TEAD4: variants seen among roughly 807,000 people sequenced by gnomAD.
TEAD4 encodes the protein TEA domain transcription factor 4, also known as transcriptional enhancer factor TEF-3.
A neutral mutation model predicts 52.4 loss-of-function variants in TEAD4; 36 were observed. The ratio of observed to expected loss-of-function variants is 0.69; its 90% CI spans 0.53 to 0.91. The LOEUF is 0.91. Among genes scored for constraint, TEAD4 ranks in the 40% least tolerant of loss-of-function variants. The pLI, the probability that TEAD4 is intolerant of heterozygous loss-of-function variation, is 0.00. For missense variants in TEAD4, 508 were observed against 583.9 expected (o/e 0.87, Z 1.34); for synonymous variants, 220 against 231.0 (o/e 0.95, Z 0.43).
intron 2 of TEAD4, among the ~76,000 whole-genome samples, chr12:2,985,501 C>CTTTTTT (rs560522260): frequency 8.4e-5 from 7 of 83,014 alleles, no homozygotes; most frequent in African/African-American, 1.4e-4. Context: ...TTTACAAAAT[C>CTTTTTT]TTTTTTTTTT....
chr12:2,979,530 T>C (rs974108821), intron 2 of TEAD4, among the ~76,000 whole-genome samples: 1 of 152,204 alleles, frequency 6.6e-6, no homozygotes, highest in Non-Finnish European at 1.5e-5. Context: ...CGTCAGGCAG[T>C]GAGAATTTGT....
At position 2,982,484 on chromosome 12, in the gene TEAD4, G is replaced by T. The variant is rs571357227; in HGVS notation, c.-29-12254G>T. Among the ~76,000 whole-genome samples, 7 of 152,324 alleles carry T rather than the reference G, an allele frequency of 4.6e-5. No individual in the cohort carries two copies. The East Asian group carries it at 1.4e-3, about 29-fold the overall frequency. ...GTCCCCCGCCTCCAGCTCTCCCCTGGCAGGCCCTCCTGGGTCACTGTGGTG... is the reference window on the plus strand; with the variant it reads ...GTCCCCCGCCTCCAGCTCTCCCCTGTCAGGCCCTCCTGGGTCACTGTGGTG... On this transcript the variant is annotated intron_variant, in intron 2 of 12. Transcript: ENST00000359864.
At chr12:2,986,919 G>A (rs955892000) in intron 2 of TEAD4, among the ~76,000 whole-genome samples, 5 of 152,154 alleles carry the variant, frequency 3.3e-5, no homozygotes, top group Non-Finnish European at 7.3e-5. Flanking sequence ...ATCATCTTAT[G>A]GGACCCCCTT....
Position 3,040,508 on chromosome 12 carries a change from G to A in TEAD4, c.*30G>A. ...CTCGGGGAGCAGGGAGGGGGGAAGA[G>A]ACGTGTGTGCAGGAAACGGGGACGT... On this transcript the variant is annotated 3_prime_UTR_variant, in exon 13 of 13. Transcript: ENST00000359864. 6.2e-7 allele frequency: 1 copy of A among 1,602,760 alleles called. No individual in the cohort carries two copies. Among genetic ancestry groups the A allele is most frequent in the Non-Finnish European group, 8.5e-7 (1 of 1,170,840 alleles).
chr12:2,962,198 C>T (rs1284930217), intron 2 of TEAD4, among the ~76,000 whole-genome samples: 1 of 148,714 alleles, frequency 6.7e-6, no homozygotes, highest in Non-Finnish European at 1.5e-5. Flanking sequence ...GATCTTGGCT[C>T]ACTGCAACCT....
At chr12:2,986,931 G>A (rs2098239033) in intron 2 of TEAD4, among the ~76,000 whole-genome samples, 1 of 152,204 alleles carries the variant, frequency 6.6e-6, no homozygotes, top group South Asian at 2.1e-4. Flanking sequence ...GACCCCCTTT[G>A]AATGAACGTT....
chr12:3,025,482 A>G (rs2098271526), intron 10 of TEAD4, among the ~76,000 whole-genome samples: 1 of 152,186 alleles, frequency 6.6e-6, no homozygotes, highest in African/African-American at 2.4e-5. Context: ...TAGTCTGGAT[A>G]AAGAATCTAG....
intron 5 of TEAD4, among the ~76,000 whole-genome samples, chr12:3,015,883 A>T (rs904501995): frequency 7.9e-5 from 12 of 151,242 alleles, no homozygotes; most frequent in Non-Finnish European, 3.0e-5. Flanking sequence ...CTTTGTCATT[A>T]AAAAAAAATT....
intron 2 of TEAD4, among the ~76,000 whole-genome samples, chr12:2,976,875 T>C (rs1034260984): frequency 1.3e-5 from 2 of 152,160 alleles, no homozygotes; most frequent in Non-Finnish European, 2.9e-5. Flanking sequence ...CTCCCTCTGT[T>C]GCTCTCTGAG....
At chr12:3,006,742 TG>T (rs759779424) in intron 3 of TEAD4, among the ~76,000 whole-genome samples, 40 of 150,334 alleles carry the variant, frequency 2.7e-4, no homozygotes, top group Non-Finnish European at 5.5e-4. Flanking sequence ...AATACAAAGA[TG>T]GGCCGGGTGT....
chr12:3,035,453 C>T (rs1462887929), intron 10 of TEAD4, among the ~76,000 whole-genome samples: 1 of 152,212 alleles, frequency 6.6e-6, no homozygotes, highest in Non-Finnish European at 1.5e-5. Context: ...CCTGAGCACA[C>T]AAACTGTCCC....
chr12:3,001,648 G>A (rs1441153972), intron 3 of TEAD4, among the ~76,000 whole-genome samples: 1 of 151,818 alleles, frequency 6.6e-6, no homozygotes, highest in African/African-American at 2.4e-5. Context: ...GTGGTGGTGT[G>A]CATCTGTAGT....
At chr12:2,966,451 A>C (rs1417846226) in intron 2 of TEAD4, among the ~76,000 whole-genome samples, 7 of 145,786 alleles carry the variant, frequency 4.8e-5, no homozygotes, top group African/African-American at 7.8e-5. Context: ...TTGCTCTGTC[A>C]CCAGGCTGGA....
At chr12:2,972,017 T>A (rs1402514592) in intron 2 of TEAD4, among the ~76,000 whole-genome samples, 1 of 151,770 alleles carries the variant, frequency 6.6e-6, no homozygotes, top group Non-Finnish European at 1.5e-5. Flanking sequence ...TTTGCCATGT[T>A]GGTCAGGCTG....
At position 2,966,852 on chromosome 12, in the gene TEAD4, A is replaced by G. The variant is rs183135640; in HGVS notation, c.-30+6812A>G. Among the ~76,000 whole-genome samples the G allele has an allele frequency of 3.8e-3, 584 of 152,148 alleles. 7 individuals are homozygous for G. The highest frequency in any genetic ancestry group is 0.013 in the African/African-American group (534 of 41,506). On this transcript the variant is annotated intron_variant, in intron 2 of 12. Coordinates refer to ENST00000359864, the MANE Select transcript of TEAD4 (RefSeq NM_003213.4). ...TTCCTGAGTAGCTGGGATTACAGGCACCTGCCACCACGCCTGGCTAATTTT... is the reference window on the plus strand; with the variant it reads ...TTCCTGAGTAGCTGGGATTACAGGCGCCTGCCACCACGCCTGGCTAATTTT...
At chr12:3,014,194 T>G (rs1351850574) in intron 5 of TEAD4, among the ~76,000 whole-genome samples, 2 of 152,228 alleles carry the variant, frequency 1.3e-5, no homozygotes, top group Non-Finnish European at 2.9e-5. Flanking sequence ...AACCCAGCCC[T>G]GCTCCCTGTT....
intron 10 of TEAD4, among the ~76,000 whole-genome samples, chr12:3,037,198 C>T (rs903040965): frequency 2.6e-5 from 4 of 152,100 alleles, no homozygotes; most frequent in Admixed American, 2.0e-4. Context: ...TGAGCCAGGC[C>T]GGGGACCAAG....
intron 2 of TEAD4, among the ~76,000 whole-genome samples, chr12:2,978,442 T>A (rs898830998): frequency 2.0e-5 from 3 of 151,788 alleles, no homozygotes; most frequent in Admixed American, 6.6e-5. Flanking sequence ...CTCACTTTAC[T>A]CACTTTATTG....
intron 2 of TEAD4, among the ~76,000 whole-genome samples, chr12:2,991,246 C>A (rs892528188): frequency 6.6e-6 from 1 of 152,098 alleles, no homozygotes; most frequent in Non-Finnish European, 1.5e-5. Flanking sequence ...AAATAAAAAA[C>A]CAGCTTCCTC....
Sources: allele counts gnomAD v4.1 joint callset (sites outside exome capture counted in the v4.1 genomes callset), GRCh38; gene constraint gnomAD v4.1.1; transcripts MANE v1.5; gene names NCBI Gene and HGNC (gene_info 2026-07-23, HGNC 2026-07-21).